ACACB: variants seen among roughly 807,000 people sequenced by gnomAD.
ACACB encodes acetyl-CoA carboxylase 2.
In ACACB, 209 loss-of-function variants were observed where a neutral mutation model predicts 278.8. The ratio of observed to expected loss-of-function variants is 0.75; its 90% CI spans 0.67 to 0.84. The LOEUF is 0.84. Among genes scored for constraint, ACACB ranks in the 40% least tolerant of loss-of-function variants. The pLI is 0.00. For synonymous variants in ACACB, 1,174 were observed against 1,285.6 expected, an observed-to-expected ratio of 0.91 and a Z score of 1.86; for missense variants, 2,850 against 3,269.0, an observed-to-expected ratio of 0.87 and a Z score of 3.13.
chr12:109,119,948 T>G (rs764039649), intron 1 of ACACB, among the ~76,000 whole-genome samples: 3 of 152,072 alleles, frequency 2.0e-5, no homozygotes, highest in Non-Finnish European at 4.4e-5. Flanking sequence ...TTGAACTAAT[T>G]AAGCTCCATA....
Position 109,139,494 on chromosome 12 carries a change from AG to A in ACACB, c.90del (p.Lys30AsnfsTer132). On this transcript the variant is annotated frameshift_variant, in exon 2 of 53. Coordinates refer to ENST00000338432, the MANE Select transcript of ACACB (RefSeq NM_001093.4). LOFTEE classifies it high-confidence loss of function. ...ATCTGGGGGAAAATGACGGACTCCA[AG>A]CCGATCACCAAGAGTAAATCAGAAG... ...LKIWGKMTDS[K>X]PITKSKSEAN... 6.2e-7 allele frequency: 1 copy of A among 1,614,106 alleles called. No homozygotes were observed. Among genetic ancestry groups the A allele is most frequent in the East Asian group, 2.2e-5 (1 of 44,874 alleles).
At chr12:109,168,123 G>A (rs2043983111) in intron 4 of ACACB, 89 bp downstream of exon 4, 28 of 1,414,102 alleles carry the variant, frequency 2.0e-5, no homozygotes, top group Non-Finnish European at 2.7e-5. Flanking sequence ...GTCCATCCTG[G>A]ACTCCCGATG....
intron 21 of ACACB, among the ~76,000 whole-genome samples, chr12:109,210,540 C>CAT (rs2045806726): frequency 1.4e-5 from 2 of 146,256 alleles, no homozygotes; most frequent in African/African-American, 5.0e-5. Flanking sequence ...TGTATATATA[C>CAT]GTGCATGTAT....
rs1262335099 is a variant in ACACB, at chr12:109,129,965, G to T, written c.-9-9432G>T. Among the ~76,000 whole-genome samples the T allele has an allele frequency of 2.6e-5, 4 of 152,210 alleles. No individual in the cohort carries two copies. In the East Asian group the frequency reaches 7.7e-4, roughly 29 times the overall value. ...GAAGGGGAAGGCTCTATTTGGTGTT[G>T]AGTGACTACATGAATCTTGGTTGAT... On this transcript the variant is annotated intron_variant, in intron 1 of 52. Coordinates refer to ENST00000338432, the MANE Select transcript of ACACB (RefSeq NM_001093.4).
rs2045742384 is a variant in ACACB, at chr12:109,210,254, C to CGTGTGTGT, written c.3249+901_3249+902insGTGTGTGT. Reference sequence around the variant, plus strand: ...ATATGTATATATGTATATATACACACATGTGTGTATATGTACATATACACA... The same window carrying CGTGTGTGT: ...ATATGTATATATGTATATATACACACGTGTGTGTATGTGTGTATATGTACATATACACA... On this transcript the variant is annotated intron_variant, in intron 21 of 52. Transcript: ENST00000338432. 6.1e-4 allele frequency among the ~76,000 whole-genome samples: 15 copies of CGTGTGTGT among 24,614 alleles called. 4 individuals are homozygous for CGTGTGTGT. Among genetic ancestry groups the CGTGTGTGT allele is most frequent in the East Asian group, 1.5e-3 (1 of 676 alleles). 16.1% of individuals were successfully genotyped at this position (24,614 alleles called of 152,430 possible).
rs111287973 is a variant in ACACB, at chr12:109,266,814, T to A, written c.*452T>A. Reference sequence around the variant, plus strand: ...AAATAAATGGGCCAAGGGAAAAAAATATATATATATAGACAGGACTAGAGA... The same window carrying A: ...AAATAAATGGGCCAAGGGAAAAAAAAATATATATATAGACAGGACTAGAGA... On this transcript the variant is annotated 3_prime_UTR_variant, in exon 53 of 53. Coordinates refer to ENST00000338432, the MANE Select transcript of ACACB (RefSeq NM_001093.4). 925 of 152,030 alleles carry A rather than the reference T, an allele frequency of 6.1e-3. 9 individuals carry two copies. The highest frequency in any genetic ancestry group is 0.011 in the East Asian group (57 of 5,182). 9.4% of individuals were successfully genotyped at this position (152,030 alleles called of 1,614,324 possible). A position where few individuals can be genotyped will look rare whatever the true frequency, so the allele number is the denominator to read the frequency against.
Position 109,216,690 on chromosome 12 carries a change from G to A in ACACB, c.3423G>A (p.Glu1141=), listed in dbSNP as rs1259270192. 1 of 1,614,078 alleles carries A rather than the reference G, an allele frequency of 6.2e-7. No homozygotes were observed. The highest frequency in any genetic ancestry group is 8.5e-7 in the Non-Finnish European group (1 of 1,180,034). The change falls in exon 23 of 53, where the codon GAG becomes GAA. Residue 1141 remains glutamate, a synonymous_variant. Transcript: ENST00000338432. The part of the protein sequence containing the change: ...LDLLRRYLRV[E]HHFQQAHYDK... ...TCCTGAGAAGATACTTGCGTGTTGA[G>A]CACCATTTTCAGCAAGGCAAGAGAT...
rs2046604878 is a variant in ACACB at position 109,235,354 on chromosome 12, C to G, written c.4389C>G (p.Phe1463Leu). The change falls in exon 32 of 53, where the codon TTC becomes TTG. Residue 1463 changes from phenylalanine (F) to leucine (L), a missense_variant. By Grantham distance (22) the Phe-to-Leu change is conservative. Transcript: ENST00000338432. ...LVDYGLRRITFLIAQEKEFPK... is the reference protein window; with the variant it reads ...LVDYGLRRITLLIAQEKEFPK... ...ATTATGGACTCCGACGAATCACATT[C>G]TTGATTGCCCAAGAGGTTAGTTCAC... 1 of 1,613,950 alleles carries G rather than the reference C, an allele frequency of 6.2e-7. No individual in the cohort carries two copies. Among genetic ancestry groups the G allele is most frequent in the South Asian group, 1.1e-5 (1 of 91,084 alleles).
intron 2 of ACACB, among the ~76,000 whole-genome samples, chr12:109,155,598 C>G (rs1407890577): frequency 6.9e-6 from 1 of 145,972 alleles, no homozygotes; most frequent in East Asian, 2.0e-4. Flanking sequence ...TTTTTTTTTT[C>G]CGGTGCAGAT....
At chr12:109,170,421 A>G (rs1480647569) in intron 4 of ACACB, among the ~76,000 whole-genome samples, 5 of 152,174 alleles carry the variant, frequency 3.3e-5, no homozygotes, top group African/African-American at 1.2e-4. Flanking sequence ...CTTAAAGAGC[A>G]TGAGTATTTT....
chr12:109,238,381 C>CATATATATATTATT (rs1273328207), intron 34 of ACACB, among the ~76,000 whole-genome samples: 1 of 134,128 alleles, frequency 7.5e-6, no homozygotes, highest in Non-Finnish European at 1.6e-5. Context: ...TTGATGGAAA[C>CATATATATATTATT]ATATATATAT....
chr12:109,156,595 T>G (rs1013024155), intron 2 of ACACB, among the ~76,000 whole-genome samples: 2 of 113,484 alleles, frequency 1.8e-5, no homozygotes, highest in Non-Finnish European at 4.4e-5. Flanking sequence ...CTGTTTTTTT[T>G]TTTTTTTTTG....
intron 11 of ACACB, among the ~76,000 whole-genome samples, chr12:109,182,068 C>T (rs370508161): frequency 1.3e-5 from 2 of 152,004 alleles, no homozygotes; most frequent in East Asian, 1.9e-4. Flanking sequence ...TAGTCTTGAT[C>T]TCCTGACCTC....
In ACACB at chr12:109,206,842, G is replaced by A. The variant is rs759357613; in HGVS notation, c.3046G>A (p.Val1016Ile). 1.7e-5 allele frequency: 28 copies of A among 1,614,008 alleles called. No individual in the cohort carries two copies. Among genetic ancestry groups the A allele is most frequent in the Middle Eastern group, 1.6e-4 (1 of 6,082 alleles). The change falls in exon 20 of 53, where the codon GTT becomes ATT. Residue 1016 changes from valine (V) to isoleucine (I), a missense_variant. Physicochemically the swap from Val to Ile is conservative, Grantham distance 29. This residue lies in a region of ACACB where 2,265 missense variants were observed against 2,561.3 expected (regional missense o/e 0.88). Transcript: ENST00000338432. The part of the protein sequence containing the change: ...VMSGFCLPEP[V>I]FSIKLKEWVQ... ...GAGTGGCTTTTGTCTGCCAGAGCCC[G>A]TTTTTAGCATAAAGGTAAAGTCACC...
intron 3 of ACACB, 126 bp from the exon 4 acceptor site, chr12:109,167,763 GAAATACC>G: frequency 7.3e-7 from 1 of 1,363,652 alleles, no homozygotes; most frequent in Non-Finnish European, 1.0e-6. Context: ...GAAATACATA[GAAATACC>G]AAGAGGAATG....
At position 109,265,474 on chromosome 12, in the gene ACACB, G is replaced by A. The variant is rs368161191; in HGVS notation, c.7199G>A (p.Arg2400His). Residue 2400 changes from arginine to histidine, a missense_variant, in exon 52 of 53, where the codon CGT becomes CAT. Physicochemically the swap from Arg to His is conservative, Grantham distance 29. Coordinates refer to ENST00000338432, the MANE Select transcript of ACACB (RefSeq NM_001093.4). ...GGGGATGGCCCGCGCTCCACCATCC[G>A]TGAGAACATCACGTACCTGAAGCAC... is the stretch of plus-strand genomic sequence containing the variant. ...QAGDGPRSTI[R>H]ENITYLKHDS... 52 of 1,613,434 alleles carry A rather than the reference G, an allele frequency of 3.2e-5. No individual in the cohort carries two copies. The highest frequency in any genetic ancestry group is 2.2e-4 in the South Asian group (20 of 91,030).
chr12:109,264,172 T>C, intron 49 of ACACB, 60 bp from the exon 50 acceptor site: 1 of 1,515,386 alleles, frequency 6.6e-7, no homozygotes. Context: ...AAAAAAAATC[T>C]CCACCCCATC....
intron 22 of ACACB, 117 bp from the exon 23 acceptor site, chr12:109,216,501 T>C (rs2046002666): frequency 1.9e-6 from 2 of 1,043,822 alleles, no homozygotes; most frequent in East Asian, 2.9e-5. Flanking sequence ...ATTACAGGCA[T>C]GAGCCACCAT....
intron 27 of ACACB, 47 bp from the exon 28 acceptor site, chr12:109,227,324 T>G: frequency 6.5e-7 from 1 of 1,545,782 alleles, no homozygotes; most frequent in South Asian, 1.2e-5. Context: ...TTGAGCACAC[T>G]CTGCAGTGGC....
Sources: gnomAD v4.1 joint callset for allele counts (sites outside exome capture counted in the v4.1 genomes callset) on GRCh38, gnomAD v4.1.1 for gene constraint, gnomAD v4.1.1 regional missense constraint, MANE v1.5 for transcripts, NCBI Gene and HGNC (gene_info 2026-07-23, HGNC 2026-07-21) for gene names.